The following TRIM66 variants were observed in gnomAD, a reference collection of about 807,000 sequenced individuals.
TRIM66 encodes tripartite motif containing 66.
Under a neutral mutation model 148.2 loss-of-function variants are expected in TRIM66, and 99 were observed. That is an observed-to-expected ratio of 0.67 (90% CI 0.57 to 0.79). The LOEUF (loss-of-function observed/expected upper bound fraction) is 0.79, where lower values mean the gene tolerates loss of function less well. Among genes scored for constraint, TRIM66 ranks in the 30% least tolerant of loss-of-function variants. The pLI is 0.00. For missense variants in TRIM66, 1,666 were observed against 1,697.9 expected (o/e 0.98, Z 0.33); for synonymous variants, 616 against 635.9 (o/e 0.97, Z 0.47).
In TRIM66 at chr11:8,614,253, C is replaced by T. The variant is rs1454490792; in HGVS notation, c.*3691G>A. Reference sequence around the variant, plus strand: ...ACTCAGGAGGCTGAGATGGGAGGATCACCTGAGCCCAGAAGGCAGAGGTTG... The same window carrying T: ...ACTCAGGAGGCTGAGATGGGAGGATTACCTGAGCCCAGAAGGCAGAGGTTG... On this transcript the variant is annotated 3_prime_UTR_variant, in exon 25 of 25. Transcript: ENST00000646038. The T allele has an allele frequency of 2.0e-5, 3 of 152,180 alleles. No homozygotes were observed. The highest frequency in any genetic ancestry group is 4.4e-5 in the Non-Finnish European group (3 of 68,122). 9.4% of individuals were successfully genotyped at this position (152,180 alleles called of 1,614,324 possible).
intron 6 of TRIM66, 112 bp from the exon 7 acceptor site, chr11:8,652,015 G>T: frequency 1.3e-6 from 1 of 799,740 alleles, no homozygotes; most frequent in Non-Finnish European, 1.9e-6. Flanking sequence ...ATACCCATGT[G>T]TGCCAAAATG....
chr11:8,661,701 C>A (rs185515810), intron 6 of TRIM66, among the ~76,000 whole-genome samples: 1 of 152,286 alleles, frequency 6.6e-6, no homozygotes, highest in African/African-American at 2.4e-5. Flanking sequence ...AGGATCCTAG[C>A]CCTTCCTGGA....
At chr11:8,654,477 C>CG (rs1182940763) in intron 6 of TRIM66, 2 of 152,196 alleles carry the variant, frequency 1.3e-5, no homozygotes, top group Non-Finnish European at 2.9e-5. Context: ...CAATTTCCCC[C>CG]GGGATGAGTT....
At position 8,641,100 on chromosome 11, in the gene TRIM66, A is replaced by G; in HGVS notation, c.1275T>C (p.Tyr425=). 6.4e-7 allele frequency: 1 copy of G among 1,551,762 alleles called. No individual in the cohort carries two copies. The highest frequency in any genetic ancestry group is 8.7e-7 in the Non-Finnish European group (1 of 1,146,990). The change falls in exon 14 of 25, where the codon TAT becomes TAC. Residue 425 remains tyrosine (Y), a synonymous_variant. Transcript: ENST00000646038. The stretch of plus-strand genomic sequence containing the variant: ...AGGGTGATGACCCCTGTAAGCCTCC[A>G]TAAGCAGGAGCATCTGCCCTGGACA... ...GQMSRADAPA[Y]GGLQGSSPFY... is the part of the protein sequence containing the mutation.
At chr11:8,622,202 G>A (rs1358013436) in intron 18 of TRIM66, among the ~76,000 whole-genome samples, 1 of 150,450 alleles carries the variant, frequency 6.6e-6, no homozygotes, top group Non-Finnish European at 1.5e-5. Context: ...ACTCAGACTG[G>A]GTCTCCTTGC....
At chr11:8,640,172 CCT>C (rs1165155659) in intron 14 of TRIM66, 53 bp downstream of exon 14, 2 of 1,501,608 alleles carry the variant, frequency 1.3e-6, no homozygotes, top group African/African-American at 1.4e-5. Context: ...GGCTGTGTTC[CCT>C]GAGTGATCCT....
At chr11:8,619,312 C>T in intron 23 of TRIM66, 71 bp downstream of exon 23, 1 of 1,380,046 alleles carries the variant, frequency 7.2e-7, no homozygotes, top group Non-Finnish European at 9.6e-7. Context: ...CCTAACCTCC[C>T]AACCCTACCC....
At chr11:8,648,167 G>T in intron 9 of TRIM66, 81 bp from the exon 10 acceptor site, 1 of 1,304,960 alleles carries the variant, frequency 7.7e-7, no homozygotes, top group Non-Finnish European at 1.1e-6. Context: ...TCTCCACAGG[G>T]AACTGTCTCA....
In TRIM66 at chr11:8,640,412, G is replaced by A; in HGVS notation, c.1963C>T (p.His655Tyr). 1.9e-6 allele frequency: 3 copies of A among 1,551,934 alleles called. No individual in the cohort carries two copies. The highest frequency in any genetic ancestry group is 3.3e-4 in the Middle Eastern group (2 of 5,996). The part of the protein sequence containing the change: ...ACSQNMDIMH[H>Y]KFELEEMQKD... The stretch of plus-strand genomic sequence containing the variant: ...TGCATTTCCTCCAGCTCAAACTTGT[G>A]ATGCATTATGTCCATGTTCTGAGAA... The change falls in exon 14 of 25, where the codon CAC (histidine) becomes TAC (tyrosine). Residue 655 changes from histidine (H) to tyrosine (Y), a missense_variant. His to Tyr is a moderately conservative substitution (Grantham distance 83, BLOSUM62 2). Transcript: ENST00000646038.
chr11:8,644,390 G>T, intron 12 of TRIM66: 1 of 450,312 alleles, frequency 2.2e-6, no homozygotes, highest in Non-Finnish European at 4.5e-6. Context: ...CTTTACTTTG[G>T]TGCTACTTAC....
chr11:8,642,981 A>C, intron 13 of TRIM66, 28 bp downstream of exon 13: 12 of 1,487,152 alleles, frequency 8.1e-6, no homozygotes, highest in Non-Finnish European at 1.0e-5. Context: ...CAGGGTGGGT[A>C]GGCCTGGGTG....
intron 15 of TRIM66, among the ~76,000 whole-genome samples, chr11:8,627,489 A>C (rs914296278): frequency 6.6e-6 from 1 of 152,252 alleles, no homozygotes; most frequent in African/African-American, 2.4e-5. Context: ...GAAACAATCC[A>C]TGTGAACATT....
intron 14 of TRIM66, among the ~76,000 whole-genome samples, 162 bp from the exon 15 acceptor site, chr11:8,638,977 A>T (rs2036137865): frequency 6.6e-6 from 1 of 152,192 alleles, no homozygotes; most frequent in Non-Finnish European, 1.5e-5. Flanking sequence ...CTCTTATCCC[A>T]ACTCTTCCAA....
At chr11:8,676,170 A>C (rs2133544164) in intron 3 of TRIM66, among the ~76,000 whole-genome samples, 1 of 152,348 alleles carries the variant, frequency 6.6e-6, no homozygotes, top group South Asian at 2.1e-4. Flanking sequence ...TAAGAATTTC[A>C]GGATTGAGAT....
At position 8,652,991 on chromosome 11, in the gene TRIM66, G is replaced by A. The variant is rs537131585; in HGVS notation, c.341-1088C>T. ...TTCATATGTAAAATAGGGAAAATAA[G>A]AGTTGCTGTGCACATTAAATTAGAT... On this transcript the variant is annotated intron_variant, in intron 6 of 24. Transcript: ENST00000646038. Among the ~76,000 whole-genome samples, 133 of 152,340 alleles carry A rather than the reference G, an allele frequency of 8.7e-4. 2 individuals carry two copies. The Middle Eastern group carries it at 0.02, about 23-fold the overall frequency.
At position 8,679,693 on chromosome 11, in the gene TRIM66, G is replaced by C. The variant is rs897784005; in HGVS notation, c.-263C>G. 1 of 152,688 alleles carries C rather than the reference G, an allele frequency of 6.5e-6. No homozygotes were observed. Among genetic ancestry groups the C allele is most frequent in the East Asian group, 1.9e-4 (1 of 5,196 alleles). 9.5% of individuals were successfully genotyped at this position (152,688 alleles called of 1,614,324 possible). On this transcript the variant is annotated 5_prime_UTR_variant, in exon 3 of 25. Transcript: ENST00000646038. ...TCATTTCTTGTGCACTTACTGGCCA[G>C]TTTTGATGTCAAATAGACGACGATG...
intron 6 of TRIM66, among the ~76,000 whole-genome samples, chr11:8,668,387 T>C (rs2038728599): frequency 1.3e-5 from 2 of 152,174 alleles, no homozygotes; most frequent in Admixed American, 6.5e-5. Flanking sequence ...AATGATTCCA[T>C]GGGTTGACTG....
chr11:8,682,653 A>G lies in TRIM66; in HGVS notation c.-600T>C. 2 of 791,014 alleles carry G rather than the reference A, an allele frequency of 2.5e-6. No homozygotes were observed. The highest frequency in any genetic ancestry group is 4.4e-6 in the Non-Finnish European group (2 of 454,816). The allele number at this position is 791,014 out of a possible 1,614,324, so 49.0% of individuals were successfully genotyped here. On this transcript the variant is annotated 5_prime_UTR_variant, in exon 1 of 25. Coordinates refer to ENST00000646038, the MANE Select transcript of TRIM66 (RefSeq NM_001388022.1). ...TCCGTGATGGGGGATCACCACCCTC[A>G]GAAAGAGGAAGCGACTAGCAGGCGC... is the stretch of plus-strand genomic sequence containing the variant.
upstream of TRIM66, chr11:8,683,207 C>T: frequency 6.2e-7 from 1 of 1,614,228 alleles, no homozygotes; most frequent in Non-Finnish European, 8.5e-7. Context: ...CACAGCCATC[C>T]AGACTGAGGA....
Sources: gnomAD v4.1 joint callset for allele counts (sites outside exome capture counted in the v4.1 genomes callset) on GRCh38, gnomAD v4.1.1 for gene constraint, MANE v1.5 for transcripts, NCBI Gene and HGNC (gene_info 2026-07-23, HGNC 2026-07-21) for gene names.